The following TMEM232 variants were observed in gnomAD, a reference collection of about 807,000 sequenced individuals.
TMEM232 encodes the protein transmembrane protein 232.
A neutral mutation model predicts 78.8 loss-of-function variants in TMEM232; 80 were observed. The ratio of observed to expected loss-of-function variants is 1.01; its 90% CI spans 0.85 to 1.22. TMEM232 has a LOEUF of 1.22. Among genes scored for constraint, TMEM232 ranks in the 50% most tolerant of loss-of-function variants. The pLI, the probability that TMEM232 is intolerant of heterozygous loss-of-function variation, is 0.00. For missense variants in TMEM232, 881 were observed against 742.2 expected (o/e 1.19, Z -2.17); for synonymous variants, 297 against 254.3 (o/e 1.17, Z -1.60).
At chr5:110,718,982 G>A (rs1797302621) in intron 1 of TMEM232, among the ~76,000 whole-genome samples, 1 of 151,990 alleles carries the variant, frequency 6.6e-6, no homozygotes, top group South Asian at 2.1e-4. Flanking sequence ...GATATGTTCT[G>A]AGAAATGAGT....
chr5:110,472,701 G>A (rs1762813538), intron 12 of TMEM232, among the ~76,000 whole-genome samples: 1 of 151,868 alleles, frequency 6.6e-6, no homozygotes, highest in Non-Finnish European at 1.5e-5. Context: ...AACAAAAAAA[G>A]CATGGTGTTG....
intron 1 of TMEM232, among the ~76,000 whole-genome samples, chr5:110,718,859 C>T (rs1253250991): frequency 6.6e-6 from 1 of 151,914 alleles, no homozygotes; most frequent in African/African-American, 2.4e-5. Context: ...GATTATTTAG[C>T]CTGCCAGCTC....
intron 12 of TMEM232, among the ~76,000 whole-genome samples, chr5:110,468,233 C>T (rs1158289282): frequency 6.6e-6 from 1 of 151,946 alleles, no homozygotes; most frequent in Non-Finnish European, 1.5e-5. Flanking sequence ...AGAAAATAAT[C>T]ACCAATCCAA....
At chr5:110,582,490 A>G (rs900482912) in intron 10 of TMEM232, among the ~76,000 whole-genome samples, 1 of 151,982 alleles carries the variant, frequency 6.6e-6, no homozygotes, top group African/African-American at 2.4e-5. Flanking sequence ...TGGCAATAAT[A>G]GACACTGGGA....
intron 10 of TMEM232, among the ~76,000 whole-genome samples, chr5:110,584,745 G>A (rs186518695): frequency 2.6e-5 from 4 of 152,002 alleles, no homozygotes; most frequent in Non-Finnish European, 5.9e-5. Context: ...AAAACATTCT[G>A]AAGCATGCTG....
At chr5:110,698,240 A>G (rs1389709141) in intron 1 of TMEM232, among the ~76,000 whole-genome samples, 2 of 151,948 alleles carry the variant, frequency 1.3e-5, no homozygotes, top group African/African-American at 4.8e-5. Flanking sequence ...GAACAATGAG[A>G]ACACATGGAC....
rs368788337 is a variant in TMEM232, at chr5:110,663,729, ATG to A, written c.125+3497_125+3498del. 5.2e-4 allele frequency among the ~76,000 whole-genome samples: 76 copies of A among 147,562 alleles called. 1 individual carries two copies. The highest frequency in any genetic ancestry group is 9.9e-4 in the East Asian group (5 of 5,054). On this transcript the variant is annotated intron_variant, in intron 2 of 13. Transcript: ENST00000455884. ...ATACTCTTATAGACTGGGGAAGGAA[ATG>A]TGTGTGTGTGTGTATGTGTGTGTGT...
chr5:110,456,316 C>T (rs936834521), intron 12 of TMEM232, among the ~76,000 whole-genome samples: 2 of 151,840 alleles, frequency 1.3e-5, no homozygotes, highest in Non-Finnish European at 2.9e-5. Flanking sequence ...ACAACAAAAA[C>T]ATAAAATATG....
intron 4 of TMEM232, among the ~76,000 whole-genome samples, chr5:110,388,954 G>A (rs1755080308): frequency 6.6e-6 from 1 of 152,106 alleles, no homozygotes; most frequent in Admixed American, 6.6e-5. Flanking sequence ...GAGAAAAATA[G>A]TGGAGATGAA....
intron 4 of TMEM232, among the ~76,000 whole-genome samples, chr5:110,389,697 T>C (rs780917357): frequency 6.6e-6 from 1 of 152,168 alleles, no homozygotes; most frequent in Non-Finnish European, 1.5e-5. Flanking sequence ...TACTGTAAAT[T>C]GAGCAAGATC....
At chr5:110,677,483 T>C (rs1792170673) in intron 1 of TMEM232, among the ~76,000 whole-genome samples, 2 of 152,178 alleles carry the variant, frequency 1.3e-5, no homozygotes, top group Admixed American at 1.3e-4. Context: ...AATAGAAAAC[T>C]AAAACAAGAT....
intron 12 of TMEM232, among the ~76,000 whole-genome samples, chr5:110,495,827 T>A (rs912268269): frequency 1.1e-4 from 17 of 151,608 alleles, no homozygotes; most frequent in Non-Finnish European, 2.4e-4. Context: ...GGTTTTTTTT[T>A]AATAATGATA....
rs115196663 is a variant in TMEM232 at position 110,686,573 on chromosome 5, A to C, written c.-12-19209T>G. 1.0e-2 allele frequency among the ~76,000 whole-genome samples: 1,522 copies of C among 152,212 alleles called. 15 individuals carry two copies. Among genetic ancestry groups the C allele is most frequent in the African/African-American group, 0.034 (1,427 of 41,544 alleles). ...CCAAAACTGTGCGAGTTGATAAAAA[A>C]AAAAATTGTTTTAAGCCACTAAGTT... is the stretch of plus-strand genomic sequence containing the variant. On this transcript the variant is annotated intron_variant, in intron 1 of 13. Coordinates refer to ENST00000455884, the MANE Select transcript of TMEM232 (RefSeq NM_001039763.4).
At chr5:110,428,878 C>A (rs911585331) in intron 12 of TMEM232, among the ~76,000 whole-genome samples, 4 of 151,802 alleles carry the variant, frequency 2.6e-5, no homozygotes, top group Non-Finnish European at 2.9e-5. Context: ...TTAGTCATAT[C>A]TTTTGGGGAA....
intron 12 of TMEM232, among the ~76,000 whole-genome samples, chr5:110,527,229 T>C (rs1366870327): frequency 6.6e-6 from 1 of 151,872 alleles, no homozygotes; most frequent in Non-Finnish European, 1.5e-5. Context: ...GGAGAGATCA[T>C]ACAAAGGAAA....
At chr5:110,715,909 C>A (rs931904132) in intron 1 of TMEM232, among the ~76,000 whole-genome samples, 6 of 152,160 alleles carry the variant, frequency 3.9e-5, no homozygotes, top group African/African-American at 1.2e-4. Flanking sequence ...GTCGCTATAA[C>A]CTCTTATTAT....
At chr5:110,496,664 G>C (rs938967086) in intron 12 of TMEM232, among the ~76,000 whole-genome samples, 1 of 151,948 alleles carries the variant, frequency 6.6e-6, no homozygotes, top group Non-Finnish European at 1.5e-5. Context: ...TTGTCCGCAA[G>C]GCTCATAAGG....
At chr5:110,679,435 G>A (rs533250698) in intron 1 of TMEM232, among the ~76,000 whole-genome samples, 3 of 151,778 alleles carry the variant, frequency 2.0e-5, no homozygotes, top group African/African-American at 7.3e-5. Context: ...ATCTTTTATC[G>A]AATGAGTCTT....
rs112358153 is a variant in TMEM232, at chr5:110,411,940, T to C, written n.308+12883A>G. On this transcript the variant is annotated intron_variant and non_coding_transcript_variant, in intron 2 of 8. Coordinates refer to the TMEM232 transcript ENST00000507188. The stretch of plus-strand genomic sequence containing the variant: ...GAGTACTGTAATATCTAAATTATGA[T>C]GAAGAAACATGATTTATGAGGGAAA... 3.7e-3 allele frequency among the ~76,000 whole-genome samples: 557 copies of C among 152,284 alleles called. 2 individuals carry two copies. The highest frequency in any genetic ancestry group is 0.013 in the African/African-American group (538 of 41,572).
Sources: gnomAD v4.1 joint callset for allele counts (sites outside exome capture counted in the v4.1 genomes callset) on GRCh38, gnomAD v4.1.1 for gene constraint, MANE v1.5 for transcripts, NCBI Gene and HGNC (gene_info 2026-07-23, HGNC 2026-07-21) for gene names.